The following PLCE1 variants were observed in gnomAD, a reference collection of about 807,000 sequenced individuals.
PLCE1 encodes the protein phospholipase C epsilon 1, also known as 1-phosphatidylinositol 4,5-bisphosphate phosphodiesterase epsilon-1.
A neutral mutation model predicts 242.8 loss-of-function variants in PLCE1; 119 were observed. That is an observed-to-expected ratio of 0.49 (90% CI 0.42 to 0.57). The LOEUF (loss-of-function observed/expected upper bound fraction) is 0.57, where lower values mean the gene tolerates loss of function less well. Ranked by LOEUF, PLCE1 falls within the 20% of genes least tolerant of loss-of-function variation. The pLI is 0.00. For synonymous variants in PLCE1, 945 were observed against 1,017.4 expected (o/e 0.93, Z 1.35); for missense variants, 2,441 against 2,788.8 (o/e 0.88, Z 2.81).
At position 93,994,189 on chromosome 10, in the gene PLCE1, C is replaced by T. The variant is rs1241391020; in HGVS notation, c.-434C>T. Among the ~76,000 whole-genome samples, 1 of 152,186 alleles carries T rather than the reference C, an allele frequency of 6.6e-6. No individual in the cohort carries two copies. The highest frequency in any genetic ancestry group is 6.5e-5 in the Admixed American group (1 of 15,292). On this transcript the variant is annotated 5_prime_UTR_variant, in exon 1 of 33. Transcript: ENST00000371380. The stretch of plus-strand genomic sequence containing the variant: ...GACACCCGACGCCGCTAGCGACAGG[C>T]GCGCGGACGGCTGGTCCCAGAGGGA...
intron 1 of PLCE1, among the ~76,000 whole-genome samples, chr10:94,018,400 C>A (rs1425301): frequency 0.3 from 44,978 of 152,034 alleles, 7,883 homozygotes; most frequent in East Asian, 0.49. Context: ...GGCTACTCTG[C>A]CCTTGCTAAA....
chr10:94,027,910 A>C (rs933216328), intron 1 of PLCE1, among the ~76,000 whole-genome samples: 1 of 152,182 alleles, frequency 6.6e-6, no homozygotes, highest in Non-Finnish European at 1.5e-5. Context: ...TAGCTAGAAG[A>C]CATCAGAAAC....
At chr10:94,047,746 C>G (rs2043637002) in intron 2 of PLCE1, among the ~76,000 whole-genome samples, 1 of 152,160 alleles carries the variant, frequency 6.6e-6, no homozygotes, top group African/African-American at 2.4e-5. Context: ...AGAACCTTGA[C>G]AAACCCTATG....
rs570282088 is a variant in PLCE1, at chr10:94,158,680, C to T, written c.1493-12500C>T. Among the ~76,000 whole-genome samples, 17 of 151,510 alleles carry T rather than the reference C, an allele frequency of 1.1e-4. No homozygotes were observed. In the East Asian group the frequency reaches 1.6e-3, roughly 14 times the overall value. ...AATATTCAAAGAATAGCTTCAGAGTCGGGGGAAAAGTGCACTATAGAGTTT... is the reference window on the plus strand; with the variant it reads ...AATATTCAAAGAATAGCTTCAGAGTTGGGGGAAAAGTGCACTATAGAGTTT... On this transcript the variant is annotated intron_variant, in intron 3 of 32. Coordinates refer to ENST00000371380, the MANE Select transcript of PLCE1 (RefSeq NM_016341.4).
chr10:94,004,871 A>G (rs1457076159), intron 1 of PLCE1, among the ~76,000 whole-genome samples: 1 of 152,214 alleles, frequency 6.6e-6, no homozygotes, highest in African/African-American at 2.4e-5. Flanking sequence ...ACTTTCTGTC[A>G]TTTGTGAAAC....
At chr10:94,281,065 A>G (rs1490351736) in intron 20 of PLCE1, among the ~76,000 whole-genome samples, 1 of 152,236 alleles carries the variant, frequency 6.6e-6, no homozygotes, top group Non-Finnish European at 1.5e-5. Context: ...AAGAGGGGAA[A>G]AAATTAAAAG....
At chr10:93,996,435 G>C (rs1437592267) in intron 1 of PLCE1, among the ~76,000 whole-genome samples, 1 of 152,190 alleles carries the variant, frequency 6.6e-6, no homozygotes, top group Non-Finnish European at 1.5e-5. Context: ...GGTGCTTCTG[G>C]AAGAGGGGTG....
intron 3 of PLCE1, among the ~76,000 whole-genome samples, chr10:94,153,993 C>G (rs955115013): frequency 2.0e-4 from 31 of 152,266 alleles, no homozygotes; most frequent in African/African-American, 7.0e-4. Flanking sequence ...TAGAATTCAA[C>G]CTGTCTTTTT....
chr10:94,085,421 C>A (rs1271553639), intron 2 of PLCE1, among the ~76,000 whole-genome samples: 2 of 152,142 alleles, frequency 1.3e-5, no homozygotes, highest in Non-Finnish European at 2.9e-5. Context: ...ACTCTGAACT[C>A]CGGTACTGAC....
chr10:94,310,736 G>A (rs1006250613), intron 27 of PLCE1, among the ~76,000 whole-genome samples: 3 of 152,056 alleles, frequency 2.0e-5, no homozygotes, highest in South Asian at 2.1e-4. Flanking sequence ...TTTTACTCAC[G>A]ACACTTCTGA....
intron 4 of PLCE1, among the ~76,000 whole-genome samples, chr10:94,197,982 C>CAAAAA (rs3053181): frequency 6.5e-4 from 38 of 58,354 alleles, no homozygotes; most frequent in East Asian, 5.5e-3. Context: ...GACTCTGTCT[C>CAAAAA]AAAAAAAAAA....
At chr10:94,283,687 A>G (rs2052332790) in intron 20 of PLCE1, 103 bp from the exon 21 acceptor site, 3 of 1,221,864 alleles carry the variant, frequency 2.5e-6, no homozygotes, top group African/African-American at 3.0e-5. Flanking sequence ...CCTCATTCTT[A>G]TAGATAAGTA....
At chr10:94,076,845 TC>T (rs986510144) in intron 2 of PLCE1, among the ~76,000 whole-genome samples, 68 of 149,584 alleles carry the variant, frequency 4.5e-4, no homozygotes, top group African/African-American at 1.3e-3. Flanking sequence ...TTTACAAGAC[TC>T]CTCCCGTCCC....
chr10:94,126,042 C>T (rs1408556180), intron 2 of PLCE1, among the ~76,000 whole-genome samples: 1 of 152,170 alleles, frequency 6.6e-6, no homozygotes, highest in African/African-American at 2.4e-5. Flanking sequence ...GGCCTAAACT[C>T]CACATCCTAG....
At chr10:94,069,448 GCA>G (rs200611979) in intron 2 of PLCE1, among the ~76,000 whole-genome samples, 2 of 151,942 alleles carry the variant, frequency 1.3e-5, no homozygotes, top group Admixed American at 6.6e-5. Flanking sequence ...AAAAATACAT[GCA>G]CACACACACA....
intron 2 of PLCE1, among the ~76,000 whole-genome samples, chr10:94,126,062 C>A (rs945328077): frequency 6.6e-6 from 1 of 152,166 alleles, no homozygotes; most frequent in African/African-American, 2.4e-5. Flanking sequence ...GTACTGGCTT[C>A]TATAAGGCAT....
chr10:94,326,236 A>G (rs778862976), intron 32 of PLCE1, among the ~76,000 whole-genome samples: 6 of 152,202 alleles, frequency 3.9e-5, no homozygotes, highest in Admixed American at 6.5e-5. Context: ...CTTTATGACA[A>G]TGAGGAACTT....
chr10:94,205,215 T>G (rs2049119071), intron 4 of PLCE1, among the ~76,000 whole-genome samples: 1 of 152,138 alleles, frequency 6.6e-6, no homozygotes, highest in Non-Finnish European at 1.5e-5. Flanking sequence ...CACCTTTCCA[T>G]TCCCCAGGGG....
chr10:94,063,896 T>G, intron 2 of PLCE1, among the ~76,000 whole-genome samples: 2 of 149,034 alleles, frequency 1.3e-5, no homozygotes, highest in Admixed American at 6.7e-5. Context: ...GAGTAAAGAG[T>G]TTTTCAGGCA....
Sources: gnomAD v4.1 joint callset for allele counts (sites outside exome capture counted in the v4.1 genomes callset) on GRCh38, gnomAD v4.1.1 for gene constraint, MANE v1.5 for transcripts, NCBI Gene and HGNC (gene_info 2026-07-23, HGNC 2026-07-21) for gene names.